Variants in DHX37 observed in about 807,000 individuals in gnomAD.
The protein encoded by DHX37 is DEAH-box helicase 37, also known as probable ATP-dependent RNA helicase DHX37.
In DHX37, 52 loss-of-function variants were observed where a neutral mutation model predicts 134.3. That is an observed-to-expected ratio of 0.39 (90% CI 0.31 to 0.49). DHX37 has a LOEUF of 0.49. DHX37 is among the 20% of genes least tolerant of loss of function. DHX37 has a pLI of 0.93. For missense variants in DHX37, 1,344 were observed against 1,580.8 expected (o/e 0.85, Z 2.54); for synonymous variants, 634 against 670.7 (o/e 0.95, Z 0.85).
In DHX37 at chr12:124,980,702, C is replaced by A; in HGVS notation, c.526G>T (p.Glu176Ter). ...GCTGGGTCCTCGTCCAGCTCCGACTCCTCCTCCAGCTCCGATTCCGACTCC... is the reference window on the plus strand; with the variant it reads ...GCTGGGTCCTCGTCCAGCTCCGACTACTCCTCCAGCTCCGATTCCGACTCC... ...EEESESELEE[E>*]SELDEDPAAE... Residue 176 changes from glutamate to a stop codon, truncating the protein, a stop_gained, in exon 4 of 27, where the codon GAG becomes TAG. Transcript: ENST00000308736. LOFTEE classifies it high-confidence loss of function. This position sits in a 1 kb window ranked among gnomAD's most constrained non-coding sequence, Gnocchi z 5.3. 6.4e-7 allele frequency: 1 copy of A among 1,572,120 alleles called. No individual in the cohort carries two copies. Among genetic ancestry groups the A allele is most frequent in the East Asian group, 2.4e-5 (1 of 42,394 alleles).
Position 124,967,275 on chromosome 12 carries a change from G to A in DHX37, c.1409-57C>T, listed in dbSNP as rs1954408900. The stretch of plus-strand genomic sequence containing the variant: ...TCAGTCACTCACAAACATTTGCTTA[G>A]CAAAAGCACCTGCCAAGCCATGCTC... On this transcript the variant is annotated intron_variant, in intron 10 of 26. Transcript: ENST00000308736. 9 of 1,567,796 alleles carry A rather than the reference G, an allele frequency of 5.7e-6. No individual in the cohort carries two copies. In the South Asian group the frequency reaches 1.0e-4, roughly 18 times the overall value.
At chr12:124,955,518 C>T (rs984547168) in intron 18 of DHX37, among the ~76,000 whole-genome samples, 7 of 152,250 alleles carry the variant, frequency 4.6e-5, no homozygotes, top group Non-Finnish European at 1.0e-4. Flanking sequence ...CCATGTTGGC[C>T]AGGCTGGTCT....
Position 124,980,571 on chromosome 12 carries a change from A to C in DHX37, c.657T>G (p.Pro219=), listed in dbSNP as rs749720966. 6.2e-7 allele frequency: 1 copy of C among 1,611,340 alleles called. No individual in the cohort carries two copies. The highest frequency in any genetic ancestry group is 8.5e-7 in the Non-Finnish European group (1 of 1,179,722). ...TGGGCAGTGGTGGGGCTGCAGCTGGAGGAGGAGGAACAGTCATCCCAGCCG... is the reference window on the plus strand; with the variant it reads ...TGGGCAGTGGTGGGGCTGCAGCTGGCGGAGGAGGAACAGTCATCCCAGCCG... The part of the protein sequence containing the change: ...PVPAGMTVPP[P]PAAAPPLPRA... The change falls in exon 4 of 27, where the codon CCT becomes CCG. Residue 219 remains proline (P), a synonymous_variant. Transcript: ENST00000308736. The surrounding 1 kb of genome is among the most constrained non-coding windows in gnomAD (Gnocchi z 5.3).
At chr12:124,961,397 T>C (rs955462676) in intron 15 of DHX37, among the ~76,000 whole-genome samples, 1 of 152,232 alleles carries the variant, frequency 6.6e-6, no homozygotes, top group Non-Finnish European at 1.5e-5. Flanking sequence ...ACACATTTGA[T>C]TAGGATCTAA....
chr12:124,957,642 C>G (rs370049120), intron 16 of DHX37, among the ~76,000 whole-genome samples: 1 of 152,096 alleles, frequency 6.6e-6, no homozygotes, highest in Non-Finnish European at 1.5e-5. Context: ...CAAAAATTAG[C>G]CGGGTGTGGT....
intron 2 of DHX37, among the ~76,000 whole-genome samples, chr12:124,983,522 C>T (rs976442322): frequency 5.9e-5 from 9 of 151,924 alleles, no homozygotes; most frequent in African/African-American, 1.2e-4. Context: ...CAGTGGCTCA[C>T]GCCTGCAATC....
intron 7 of DHX37, 150 bp from the exon 8 acceptor site, chr12:124,971,565 A>T (rs1241407909): frequency 7.6e-7 from 1 of 1,316,582 alleles, no homozygotes; most frequent in African/African-American, 1.5e-5. Flanking sequence ...ATGCCCGCAG[A>T]GTGGGAGGGC....
intron 4 of DHX37, among the ~76,000 whole-genome samples, 170 bp from the exon 5 acceptor site, chr12:124,977,660 G>C (rs774673126): frequency 1.3e-5 from 2 of 152,166 alleles, no homozygotes; most frequent in Non-Finnish European, 2.9e-5. Flanking sequence ...GAGAGACAGA[G>C]ACAGGGATCA....
chr12:124,970,544 T>C (rs1314767101), intron 8 of DHX37, among the ~76,000 whole-genome samples: 9 of 152,176 alleles, frequency 5.9e-5, no homozygotes, highest in Admixed American at 5.9e-4. Context: ...AGCCTTCCAC[T>C]TGAGCTCAGA....
chr12:124,988,304 C>T (rs1351892491), intron 1 of DHX37, among the ~76,000 whole-genome samples: 7 of 152,130 alleles, frequency 4.6e-5, no homozygotes, highest in African/African-American at 1.2e-4. Context: ...CAGATCTTGA[C>T]TCTAACAGAG....
intron 7 of DHX37, among the ~76,000 whole-genome samples, 164 bp from the exon 8 acceptor site, chr12:124,971,579 T>C (rs1594498151): frequency 6.6e-6 from 1 of 151,942 alleles, no homozygotes. Flanking sequence ...GGAGGGCAGG[T>C]GGGAAATGGA....
At chr12:124,973,754 G>A (rs960778171) in intron 6 of DHX37, among the ~76,000 whole-genome samples, 1 of 146,928 alleles carries the variant, frequency 6.8e-6, no homozygotes, top group African/African-American at 2.5e-5. Flanking sequence ...GGATTCTTCT[G>A]CCTCAGCCTC....
chr12:124,988,842 C>A (rs893419098), intron 1 of DHX37, 75 bp downstream of exon 1: 3 of 959,244 alleles, frequency 3.1e-6, no homozygotes, highest in Non-Finnish European at 4.2e-6. Flanking sequence ...GATCCCCACC[C>A]GAGAGTCCTG....
At chr12:124,971,135 C>T (rs1240252863) in intron 8 of DHX37, among the ~76,000 whole-genome samples, 167 bp downstream of exon 8, 1 of 152,202 alleles carries the variant, frequency 6.6e-6, no homozygotes, top group Non-Finnish European at 1.5e-5. Flanking sequence ...ATTCACAGCC[C>T]TGGCACTAGG....
At chr12:124,966,136 A>G (rs1954381921) in intron 12 of DHX37, among the ~76,000 whole-genome samples, 1 of 152,148 alleles carries the variant, frequency 6.6e-6, no homozygotes, top group Admixed American at 6.5e-5. Context: ...GGAGCACAAG[A>G]CCCACGGTGC....
At chr12:124,963,139 C>T (rs1401163023) in intron 15 of DHX37, among the ~76,000 whole-genome samples, 1 of 152,204 alleles carries the variant, frequency 6.6e-6, no homozygotes, top group African/African-American at 2.4e-5. Flanking sequence ...AAACTCGGCA[C>T]ATCCATATGG....
In DHX37 at chr12:124,953,887, G is replaced by A. The variant is rs1313583315; in HGVS notation, c.2688C>T (p.Thr896=). The A allele has an allele frequency of 1.2e-6, 2 of 1,611,400 alleles. No individual in the cohort carries two copies. The highest frequency in any genetic ancestry group is 1.7e-6 in the Non-Finnish European group (2 of 1,179,240). Residue 896 remains threonine (T), a synonymous_variant, in exon 20 of 27, where the codon ACC becomes ACT. Coordinates refer to ENST00000308736, the MANE Select transcript of DHX37 (RefSeq NM_032656.4). ...MEIRRLRGQL[T]TAVNAVCPEA... is the part of the protein sequence containing the mutation. ...GCCGGCACGGGGCCGTACCTGCGGT[G>A]GTCAGCTGGCCCCGCAGGCGCCGGA...
intron 6 of DHX37, among the ~76,000 whole-genome samples, chr12:124,973,142 A>G (rs953246259): frequency 7.9e-5 from 12 of 152,214 alleles, no homozygotes; most frequent in Admixed American, 2.0e-4. Context: ...CTCAAAAAAC[A>G]AAAAATGGCT....
At chr12:124,954,946 G>A (rs1425754091) in intron 18 of DHX37, among the ~76,000 whole-genome samples, 1 of 152,162 alleles carries the variant, frequency 6.6e-6, no homozygotes. Context: ...GAGTGGTACA[G>A]TCACTTGCCT....
Sources: allele counts gnomAD v4.1 joint callset (sites outside exome capture counted in the v4.1 genomes callset), GRCh38; gene constraint gnomAD v4.1.1; non-coding constraint Gnocchi (gnomAD v3.1); transcripts MANE v1.5; gene names NCBI Gene and HGNC (gene_info 2026-07-23, HGNC 2026-07-21).